The following ATF2 variants were observed in gnomAD, a reference collection of about 807,000 sequenced individuals.
The protein encoded by ATF2 is cyclic AMP-dependent transcription factor ATF-2.
A neutral mutation model predicts 60.6 loss-of-function variants in ATF2; 24 were observed. That is an observed-to-expected ratio of 0.40 (90% confidence interval 0.29 to 0.56). The LOEUF is 0.56. Ranked by LOEUF, ATF2 falls within the 20% of genes least tolerant of loss-of-function variation. ATF2 has a pLI of 0.54. For missense variants in ATF2, 433 were observed against 607.7 expected, an observed-to-expected ratio of 0.71 and a Z score of 3.02; for synonymous variants, 206 against 215.4, an observed-to-expected ratio of 0.96 and a Z score of 0.38.
chr2:175,125,497 A>G lies in ATF2; in HGVS notation c.103-3957T>C, dbSNP rs141483378. ...AGTGAGAATTCAATTATGAGTGAGT[A>G]TAAAAAATTGATTTAGCTTTTAAAA... On this transcript the variant is annotated intron_variant, in intron 4 of 13. Coordinates refer to ENST00000264110, the MANE Select transcript of ATF2 (RefSeq NM_001880.4). Among the ~76,000 whole-genome samples the G allele has an allele frequency of 7.8e-4, 119 of 152,248 alleles. 1 individual carries two copies. The East Asian group carries it at 0.02, about 25-fold the overall frequency.
At position 175,074,590 on chromosome 2, in the gene ATF2, T is replaced by C. The variant is rs1346125097; in HGVS notation, c.*19A>G. The C allele has an allele frequency of 1.9e-6, 3 of 1,600,900 alleles. No individual in the cohort carries two copies. Among genetic ancestry groups the C allele is most frequent in the Non-Finnish European group, 2.6e-6 (3 of 1,172,800 alleles). Reference sequence around the variant, plus strand: ...AGTCACTAATGAGTATCTAAAACTGTTGTACTGCAGGTTTTTAATCAACTT... The same window carrying C: ...AGTCACTAATGAGTATCTAAAACTGCTGTACTGCAGGTTTTTAATCAACTT... On this transcript the variant is annotated 3_prime_UTR_variant, in exon 14 of 14. Transcript: ENST00000264110.
At chr2:175,153,623 T>C (rs1699454916) in intron 1 of ATF2, among the ~76,000 whole-genome samples, 1 of 151,338 alleles carries the variant, frequency 6.6e-6, no homozygotes, top group Non-Finnish European at 1.5e-5. Context: ...AGGTCAGGAG[T>C]TCGAGACCAG....
intron 1 of ATF2, among the ~76,000 whole-genome samples, chr2:175,159,077 G>A (rs1326859830): frequency 6.6e-6 from 1 of 152,066 alleles, no homozygotes; most frequent in Non-Finnish European, 1.5e-5. Flanking sequence ...CAGCACTTTG[G>A]GAGGCCAAGG....
At chr2:175,144,307 CCTG>C (rs1264413739) in intron 2 of ATF2, among the ~76,000 whole-genome samples, 1 of 152,076 alleles carries the variant, frequency 6.6e-6, no homozygotes, top group African/African-American at 2.4e-5. Context: ...AAATATTTCT[CCTG>C]CTATTTTACG....
intron 2 of ATF2, among the ~76,000 whole-genome samples, chr2:175,142,685 AAGAGAGAGAGAGAGAGAG>A (rs371270320): frequency 7.9e-6 from 1 of 126,342 alleles, no homozygotes; most frequent in African/African-American, 3.1e-5. Flanking sequence ...ACGCTGCCGA[AAGAGAGAGAGAGAGAGAG>A]AGAGAGAGAG....
In ATF2 at chr2:175,114,359, C is replaced by T. The variant is rs1696404502; in HGVS notation, c.627-251G>A. The T allele has an allele frequency of 5.6e-6, 7 of 1,256,966 alleles. No homozygotes were observed. The South Asian group carries it at 7.6e-5, about 14-fold the overall frequency. 77.9% of individuals were successfully genotyped at this position (1,256,966 alleles called of 1,614,324 possible). A position where few individuals can be genotyped will look rare whatever the true frequency, so the allele number is the denominator to read the frequency against. ...TCTCCAATTTGTAAAATGAGAAAAA[C>T]TGTCATCAGAGAGCTCTTGGGAGCT... On this transcript the variant is annotated intron_variant, in intron 8 of 13. Coordinates refer to ENST00000264110, the MANE Select transcript of ATF2 (RefSeq NM_001880.4).
intron 13 of ATF2, chr2:175,075,072 G>T (rs1293866747): frequency 1.8e-5 from 25 of 1,356,488 alleles, no homozygotes; most frequent in Non-Finnish European, 2.3e-5. Context: ...ATGGAATAGA[G>T]CTGAAGAAAT....
chr2:175,133,777 G>C (rs1697922122), intron 3 of ATF2, among the ~76,000 whole-genome samples: 1 of 152,052 alleles, frequency 6.6e-6, no homozygotes, highest in Admixed American at 6.5e-5. Context: ...TCATGATTTT[G>C]GAGTAGGCAA....
rs76422836 is a variant in ATF2, at chr2:175,120,431, T to C, written c.199+1013A>G. Among the ~76,000 whole-genome samples the C allele has an allele frequency of 3.0e-3, 450 of 151,906 alleles. 2 individuals are homozygous for C. The highest frequency in any genetic ancestry group is 0.01 in the African/African-American group (427 of 41,520). On this transcript the variant is annotated intron_variant, in intron 5 of 13. Transcript: ENST00000264110. ...TATATTGTTTTCGATAAATTAACTTTGTTACCTTCAATTTCTTCATTACAA... is the reference window on the plus strand; with the variant it reads ...TATATTGTTTTCGATAAATTAACTTCGTTACCTTCAATTTCTTCATTACAA...
At chr2:175,082,489 T>C (rs1484384928) in intron 12 of ATF2, among the ~76,000 whole-genome samples, 2 of 152,182 alleles carry the variant, frequency 1.3e-5, no homozygotes, top group African/African-American at 4.8e-5. Flanking sequence ...ACCCAATGTA[T>C]ATTACCCATC....
At chr2:175,117,224 G>T (rs956859462) in intron 7 of ATF2, among the ~76,000 whole-genome samples, 26 of 145,742 alleles carry the variant, frequency 1.8e-4, no homozygotes, top group African/African-American at 6.7e-4. Context: ...ATGAGAAAAA[G>T]AAAATGAAGA....
chr2:175,150,845 T>C (rs1377451697), intron 2 of ATF2, among the ~76,000 whole-genome samples: 1 of 152,162 alleles, frequency 6.6e-6, no homozygotes. Context: ...TAAGTCCTCA[T>C]TGTGCTTTTA....
intron 12 of ATF2, among the ~76,000 whole-genome samples, chr2:175,089,711 C>T (rs141885393): frequency 1.3e-5 from 2 of 152,232 alleles, no homozygotes; most frequent in African/African-American, 4.8e-5. Flanking sequence ...ACTTATTTTA[C>T]TTGACAAATA....
Position 175,153,746 on chromosome 2 carries a change from C to T in ATF2, c.-142-2588G>A, listed in dbSNP as rs12996694. Among the ~76,000 whole-genome samples the T allele has an allele frequency of 1.3e-3, 194 of 150,002 alleles. 2 individuals carry two copies. The highest frequency in any genetic ancestry group is 0.011 in the South Asian group (51 of 4,578). On this transcript the variant is annotated intron_variant, in intron 1 of 13. Coordinates refer to ENST00000264110, the MANE Select transcript of ATF2 (RefSeq NM_001880.4). ...TTGGGAGGCTGAGGCAGAGGAGAAT[C>T]GCTTGAACCCAGGAGGCAGAGGTTG...
intron 1 of ATF2, among the ~76,000 whole-genome samples, chr2:175,156,756 T>C (rs900380411): frequency 6.6e-6 from 1 of 152,254 alleles, no homozygotes; most frequent in African/African-American, 2.4e-5. Context: ...GCACTCATCT[T>C]GGCTTTGTAA....
chr2:175,141,802 A>G (rs1198075010), intron 2 of ATF2, among the ~76,000 whole-genome samples: 2 of 150,822 alleles, frequency 1.3e-5, no homozygotes, highest in Non-Finnish European at 2.9e-5. Context: ...CCCTATAAAT[A>G]TATTTTTCAA....
intron 4 of ATF2, among the ~76,000 whole-genome samples, chr2:175,126,177 G>A (rs1165116310): frequency 6.6e-6 from 1 of 152,104 alleles, no homozygotes; most frequent in Non-Finnish European, 1.5e-5. Context: ...TTTAGGATAT[G>A]ACTATATTGT....
intron 3 of ATF2, among the ~76,000 whole-genome samples, chr2:175,132,101 G>GA: frequency 6.6e-6 from 1 of 152,164 alleles, no homozygotes; most frequent in Non-Finnish European, 1.5e-5. Context: ...GTATCCTCTA[G>GA]AAAATGGCAT....
At position 175,150,110 on chromosome 2, in the gene ATF2, A is replaced by C. The variant is rs112761149; in HGVS notation, c.-44+950T>G. On this transcript the variant is annotated intron_variant, in intron 2 of 13. Coordinates refer to ENST00000264110, the MANE Select transcript of ATF2 (RefSeq NM_001880.4). ...TAAAATTATTTAATGCAGGTATCAC[A>C]GAGTAAGAAAAAATTATCAAGTGTT... Among the ~76,000 whole-genome samples, 118 of 152,346 alleles carry C rather than the reference A, an allele frequency of 7.7e-4. 3 individuals are homozygous for C. Among genetic ancestry groups the C allele is most frequent in the Middle Eastern group, 3.4e-3 (1 of 294 alleles).
Sources: gnomAD v4.1 joint callset for allele counts (sites outside exome capture counted in the v4.1 genomes callset) on GRCh38, gnomAD v4.1.1 for gene constraint, MANE v1.5 for transcripts, NCBI Gene and HGNC (gene_info 2026-07-23, HGNC 2026-07-21) for gene names.